MYH7B: variants seen among roughly 807,000 people sequenced by gnomAD.
MYH7B encodes myosin heavy chain 7B.
Under a neutral mutation model 234.5 loss-of-function variants are expected in MYH7B, and 205 were observed. That is an observed-to-expected ratio of 0.87 (90% CI 0.78 to 0.98). The LOEUF is 0.98. Ranked by LOEUF, MYH7B falls within the 50% of genes least tolerant of loss-of-function variation. MYH7B has a pLI of 0.00. For synonymous variants in MYH7B, 1,193 were observed against 1,105.0 expected (o/e 1.08, Z -1.58); for missense variants, 2,652 against 2,633.4 (o/e 1.01, Z -0.15).
At position 34,980,689 on chromosome 20, in the gene MYH7B, C is replaced by CAT. The variant is rs2147175479; in HGVS notation, c.461_462dup (p.Ala155MetfsTer21). ...AAAGCGCCGCTCAGATTCCCCGCCC[C>CAT]ATATATATGCGGTGGCGGACAACGC... On this transcript the variant is annotated frameshift_variant, in exon 8 of 45. Coordinates refer to ENST00000262873, the Ensembl canonical transcript of MYH7B. LOFTEE classifies it high-confidence loss of function. The CAT allele has an allele frequency of 6.2e-7, 1 of 1,614,224 alleles. No individual in the cohort carries two copies. Among genetic ancestry groups the CAT allele is most frequent in the Admixed American group, 1.7e-5 (1 of 60,026 alleles).
At chr20:34,988,806 C>CCTTTTTTTTTTTT (rs1569046104) in intron 19 of MYH7B, among the ~76,000 whole-genome samples, 1 of 113,234 alleles carries the variant, frequency 8.8e-6, no homozygotes. Flanking sequence ...TCCTTTATCC[C>CCTTTTTTTTTTTT]TTTTTTTTTT....
intron 30 of MYH7B, 134 bp downstream of exon 30, chr20:34,996,892 G>A (rs1406000716): frequency 9.5e-6 from 13 of 1,371,034 alleles, no homozygotes; most frequent in Non-Finnish European, 1.3e-5. Flanking sequence ...CTGGGGTGCA[G>A]GGGTAGTGTC....
At chr20:34,977,522 C>A in intron 3 of MYH7B, 110 bp from the exon 4 acceptor site, 1 of 974,682 alleles carries the variant, frequency 1.0e-6, no homozygotes, top group African/African-American at 1.6e-5. Flanking sequence ...GCCCAGGGGC[C>A]GTGCTGGTGG....
At chr20:34,978,029 G>A (rs2081884095) in exon 5 of MYH7B, 2 of 1,614,100 alleles carry the variant, frequency 1.2e-6, no homozygotes, top group Non-Finnish European at 8.5e-7. Context: ...GTGAACTTGG[G>A]GAGTCTGCCC....
chr20:34,993,424 C>T lies in MYH7B; in HGVS notation c.2398C>T (p.Arg800Cys), dbSNP rs765648452. 140 of 1,611,784 alleles carry T rather than the reference C, an allele frequency of 8.7e-5. 1 individual carries two copies. In the South Asian group the frequency reaches 1.2e-3, roughly 14 times the overall value. ...GCTGACGCTGCTGCAGGCGCGGAGC[C>T]GTGGCCGCCTCATGCGCCTTGAGTA... The change falls in exon 26 of 45, where the codon CGT (arginine) becomes TGT (cysteine). Residue 800 changes from arginine to cysteine, a missense_variant. Physicochemically the swap from Arg to Cys is radical, Grantham distance 180 (BLOSUM62 -3). This residue lies in a region of MYH7B where 2,279 missense variants were observed against 2,211.4 expected (regional missense o/e 1.03). Transcript: ENST00000262873.
chr20:34,981,307 A>T, intron 9 of MYH7B: 1 of 460,524 alleles, frequency 2.2e-6, no homozygotes, highest in Non-Finnish European at 3.8e-6. Flanking sequence ...CCAGCCCCAC[A>T]CCTCCTCTCC....
At chr20:34,987,624 C>T (rs1600440019) in exon 17 of MYH7B, 1 of 1,614,096 alleles carries the variant, frequency 6.2e-7, no homozygotes. Flanking sequence ...TTTTGCACCC[C>T]CGGGTGCGTG....
chr20:34,984,883 C>A, exon 12 of MYH7B: 1 of 1,614,102 alleles, frequency 6.2e-7, no homozygotes, highest in Non-Finnish European at 8.5e-7. Flanking sequence ...TCATCGAGGC[C>A]AACCCTGCCA....
intron 10 of MYH7B, among the ~76,000 whole-genome samples, chr20:34,983,238 T>C (rs2081964448): frequency 6.6e-6 from 1 of 151,800 alleles, no homozygotes; most frequent in African/African-American, 2.4e-5. Flanking sequence ...TTCTTGTTTT[T>C]CCCCTGTTTT....
chr20:34,992,242 C>T (rs1044887719), intron 24 of MYH7B, among the ~76,000 whole-genome samples: 4 of 151,824 alleles, frequency 2.6e-5, no homozygotes, highest in African/African-American at 7.3e-5. Flanking sequence ...AAAAATTAGC[C>T]GGGCGTGGTG....
Position 34,991,140 on chromosome 20 carries a change from C to A in MYH7B, c.2183+19C>A. The A allele has an allele frequency of 6.4e-7, 1 of 1,552,850 alleles. No homozygotes were observed. Among genetic ancestry groups the A allele is most frequent in the Non-Finnish European group, 8.8e-7 (1 of 1,133,596 alleles). ...GGCAGCGGTGGGTGACCCCTTCCCC[C>A]TGCCTGCTGCTCCAGGTGGAGGCCT... On this transcript the variant is annotated intron_variant, in intron 24 of 44. Coordinates refer to ENST00000262873, the Ensembl canonical transcript of MYH7B.
chr20:34,993,513 C>A (rs1428515353), intron 26 of MYH7B, 43 bp downstream of exon 26: 8 of 1,500,180 alleles, frequency 5.3e-6, no homozygotes, highest in Admixed American at 2.5e-5. Context: ...TGTCCCCTGC[C>A]TCTCAGCTCC....
intron 2 of MYH7B, among the ~76,000 whole-genome samples, chr20:34,968,240 G>A (rs968369583): frequency 4.6e-5 from 7 of 152,232 alleles, no homozygotes; most frequent in African/African-American, 1.7e-4. Flanking sequence ...TGGCAGGCCT[G>A]AACGAGTCCC....
chr20:34,985,687 A>AG (rs1162921159), intron 13 of MYH7B, among the ~76,000 whole-genome samples: 3 of 152,162 alleles, frequency 2.0e-5, no homozygotes, highest in African/African-American at 7.2e-5. Context: ...CTGCATGGCT[A>AG]GGTCTTGACG....
chr20:34,997,894 A>T (rs1279980157), intron 32 of MYH7B, among the ~76,000 whole-genome samples: 2 of 152,050 alleles, frequency 1.3e-5, no homozygotes, highest in Non-Finnish European at 2.9e-5. Flanking sequence ...TTGAACCAGC[A>T]GTAGTTGTGA....
chr20:34,986,006 C>A (rs1424735003), intron 13 of MYH7B, 94 bp from the exon 14 acceptor site: 3 of 1,107,792 alleles, frequency 2.7e-6, no homozygotes, highest in Non-Finnish European at 4.0e-6. Flanking sequence ...CCCCTGCACA[C>A]TCCCTGCCCA....
exon 44 of MYH7B, chr20:35,001,979 A>G: frequency 6.2e-7 from 1 of 1,613,906 alleles, no homozygotes; most frequent in African/African-American, 1.3e-5. Context: ...CTGGCCAAGT[A>G]TCGCAAGGCC....
intron 2 of MYH7B, among the ~76,000 whole-genome samples, chr20:34,959,692 T>C (rs1024067286): frequency 6.6e-6 from 1 of 152,166 alleles, no homozygotes; most frequent in East Asian, 1.9e-4. Flanking sequence ...CTGTCCAGGC[T>C]GGTCTCGAAC....
intron 13 of MYH7B, 95 bp downstream of exon 13, chr20:34,985,224 T>C (rs968392397): frequency 6.6e-6 from 8 of 1,204,990 alleles, no homozygotes; most frequent in Non-Finnish European, 9.8e-6. Context: ...GGCTCCTGCC[T>C]GCTCTGGGCA....
Sources: gnomAD v4.1 joint callset for allele counts (sites outside exome capture counted in the v4.1 genomes callset) on GRCh38, gnomAD v4.1.1 for gene constraint, gnomAD v4.1.1 regional missense constraint, MANE v1.5 for transcripts, NCBI Gene and HGNC (gene_info 2026-07-23, HGNC 2026-07-21) for gene names.